The following NKAIN3 variants were observed in gnomAD, a reference collection of about 807,000 sequenced individuals.
The protein encoded by NKAIN3 is sodium/potassium-transporting ATPase subunit beta-1-interacting protein 3.
A neutral mutation model predicts 30.2 loss-of-function variants in NKAIN3; 25 were observed. The ratio of observed to expected loss-of-function variants is 0.83; its 90% CI spans 0.60 to 1.16. The LOEUF is 1.16. Among genes scored for constraint, NKAIN3 ranks in the 50% most tolerant of loss-of-function variants. The probability of loss-of-function intolerance (pLI) is 0.00; values close to 1 mark genes in which losing one functional copy is unlikely to be tolerated. For synonymous variants in NKAIN3, 91 were observed against 89.6 expected (o/e 1.02, Z -0.09); for missense variants, 225 against 254.1 (o/e 0.89, Z 0.78).
intron 4 of NKAIN3, chr8:62,863,287 G>A: frequency 6.4e-7 from 1 of 1,551,452 alleles, no homozygotes; most frequent in Non-Finnish European, 8.7e-7. Context: ...TTTCTGCTGT[G>A]GAGCCGTACT....
At chr8:62,363,607 G>A (rs1816631853) in intron 1 of NKAIN3, among the ~76,000 whole-genome samples, 1 of 152,086 alleles carries the variant, frequency 6.6e-6, no homozygotes, top group South Asian at 2.1e-4. Context: ...CATTATTGGG[G>A]TCGATAAAAT....
intron 3 of NKAIN3, among the ~76,000 whole-genome samples, chr8:62,611,623 A>T (rs898544933): frequency 1.3e-5 from 2 of 152,090 alleles, no homozygotes; most frequent in African/African-American, 4.8e-5. Flanking sequence ...ACTGGATCTC[A>T]TTCTTTTTTA....
rs1229063590 is a variant in NKAIN3, at chr8:62,973,643, T to G, written c.*8236T>G. On this transcript the variant is annotated 3_prime_UTR_variant, in exon 7 of 7. Coordinates refer to ENST00000623646, the MANE Select transcript of NKAIN3 (RefSeq NM_001304533.3). ...TGTTCACTCTGATAATAGTTTCTTT[T>G]GCTGCACAGAAGCTCCTTAGTTTAA... 1.3e-5 allele frequency among the ~76,000 whole-genome samples: 2 copies of G among 152,230 alleles called. No homozygotes were observed. The highest frequency in any genetic ancestry group is 2.9e-5 in the Non-Finnish European group (2 of 68,036).
At chr8:62,649,526 A>C (rs921122187) in intron 3 of NKAIN3, among the ~76,000 whole-genome samples, 2 of 152,072 alleles carry the variant, frequency 1.3e-5, no homozygotes, top group African/African-American at 4.8e-5. Context: ...TGTCATTTGT[A>C]CCCGAAAGAT....
intron 1 of NKAIN3, among the ~76,000 whole-genome samples, chr8:62,569,785 A>G (rs1809874938): frequency 6.6e-6 from 1 of 152,046 alleles, no homozygotes; most frequent in Non-Finnish European, 1.5e-5. Flanking sequence ...AAAAAAAAAA[A>G]AGCCTACTTC....
chr8:62,666,567 A>T (rs1813109404), intron 3 of NKAIN3, among the ~76,000 whole-genome samples: 1 of 151,922 alleles, frequency 6.6e-6, no homozygotes, highest in Non-Finnish European at 1.5e-5. Flanking sequence ...TCATTTTGTG[A>T]TTTTTTTCTT....
chr8:62,827,889 T>G (rs992474929), intron 4 of NKAIN3, among the ~76,000 whole-genome samples: 2 of 152,156 alleles, frequency 1.3e-5, no homozygotes, highest in Non-Finnish European at 2.9e-5. Flanking sequence ...CAAGGTATTA[T>G]GCACATTTTA....
chr8:62,391,304 C>T (rs57875814), intron 1 of NKAIN3, among the ~76,000 whole-genome samples: 20,851 of 152,078 alleles, frequency 0.14, 1,722 homozygotes, highest in East Asian at 0.4. Context: ...CTTGCAGCCT[C>T]AGTGGTCAAA....
chr8:62,431,856 A>C (rs973143416), intron 1 of NKAIN3, among the ~76,000 whole-genome samples: 69 of 89,634 alleles, frequency 7.7e-4, no homozygotes, highest in Non-Finnish European at 1.5e-3. Flanking sequence ...AGAGAAGCTT[A>C]TAAAAAGGAA....
At chr8:62,899,149 A>C (rs1821524787) in intron 4 of NKAIN3, among the ~76,000 whole-genome samples, 3 of 152,218 alleles carry the variant, frequency 2.0e-5, no homozygotes. Flanking sequence ...AAATTAGTAC[A>C]GCAACTATGG....
chr8:62,375,146 C>T (rs960709014), intron 1 of NKAIN3, among the ~76,000 whole-genome samples: 1 of 152,162 alleles, frequency 6.6e-6, no homozygotes, highest in Non-Finnish European at 1.5e-5. Context: ...ACCAGACCAG[C>T]TTTTTCACTC....
intron 1 of NKAIN3, among the ~76,000 whole-genome samples, chr8:62,331,080 T>C (rs1815337384): frequency 6.9e-6 from 1 of 145,770 alleles, no homozygotes. Flanking sequence ...TCTCTCTCTG[T>C]CTCTCTCTCT....
intron 1 of NKAIN3, among the ~76,000 whole-genome samples, chr8:62,327,613 T>G (rs991098307): frequency 1.3e-5 from 2 of 152,072 alleles, no homozygotes; most frequent in East Asian, 1.9e-4. Context: ...TTCAACAATG[T>G]TTGACCACAT....
rs3073191 is a variant in NKAIN3 at position 62,967,723 on chromosome 8, TAG to T, written c.*2321_*2322del. ...AAAAGCTGATAAAACATCAAAACTG[TAG>T]AGAGTCAGTAAAAAAGGATAAAATG... On this transcript the variant is annotated 3_prime_UTR_variant, in exon 7 of 7. Transcript: ENST00000623646. 0.066 allele frequency among the ~76,000 whole-genome samples: 9,976 copies of T among 152,104 alleles called. 368 individuals are homozygous for T. The highest frequency in any genetic ancestry group is 0.099 in the South Asian group (475 of 4,822).
At chr8:62,379,187 C>T (rs1469126965) in intron 1 of NKAIN3, among the ~76,000 whole-genome samples, 1 of 152,214 alleles carries the variant, frequency 6.6e-6, no homozygotes, top group African/African-American at 2.4e-5. Context: ...TGTCCAATTT[C>T]TCCCACTTGT....
chr8:62,809,331 G>T (rs536790327), intron 4 of NKAIN3, among the ~76,000 whole-genome samples: 1 of 152,268 alleles, frequency 6.6e-6, no homozygotes, highest in South Asian at 2.1e-4. Flanking sequence ...GTAAAGACAG[G>T]CATAGGAAAT....
At chr8:62,412,327 C>T (rs1225788808) in intron 1 of NKAIN3, among the ~76,000 whole-genome samples, 1 of 138,060 alleles carries the variant, frequency 7.2e-6, no homozygotes, top group Non-Finnish European at 1.6e-5. Context: ...CAAAAAAAAA[C>T]AGTGGGGAAA....
intron 1 of NKAIN3, among the ~76,000 whole-genome samples, chr8:62,573,532 G>A (rs996267214): frequency 4.0e-5 from 6 of 151,330 alleles, no homozygotes; most frequent in Non-Finnish European, 8.8e-5. Context: ...TTTCTTTCCT[G>A]CCTTCTTTTC....
chr8:62,439,997 G>A (rs1041659138), intron 1 of NKAIN3, among the ~76,000 whole-genome samples: 8 of 152,148 alleles, frequency 5.3e-5, no homozygotes, highest in African/African-American at 1.9e-4. Flanking sequence ...GATTTTAATA[G>A]AAAGACATTC....
Sources: allele counts gnomAD v4.1 joint callset (sites outside exome capture counted in the v4.1 genomes callset), GRCh38; gene constraint gnomAD v4.1.1; transcripts MANE v1.5; gene names NCBI Gene and HGNC (gene_info 2026-07-23, HGNC 2026-07-21).